The following NOTCH3 variants were observed in gnomAD, a reference collection of about 807,000 sequenced individuals.
NOTCH3 encodes notch receptor 3.
In NOTCH3, 86 loss-of-function variants were observed where a neutral mutation model predicts 213.3. The observed-to-expected ratio is 0.40, with a 90% CI of 0.34 to 0.48. The LOEUF (loss-of-function observed/expected upper bound fraction) is 0.48, where lower values mean the gene tolerates loss of function less well. NOTCH3 is among the 20% of genes least tolerant of loss of function. The pLI, the probability that NOTCH3 is intolerant of heterozygous loss-of-function variation, is 0.57. For synonymous variants in NOTCH3, 1,354 were observed against 1,355.9 expected, an observed-to-expected ratio of 1.00 and a Z score of 0.03; for missense variants, 2,783 against 3,272.6, an observed-to-expected ratio of 0.85 and a Z score of 3.65.
chr19:15,198,599 A>G (rs2046987549), intron 1 of NOTCH3, among the ~76,000 whole-genome samples: 1 of 152,114 alleles, frequency 6.6e-6, no homozygotes, highest in African/African-American at 2.4e-5. Flanking sequence ...AAAAATATAA[A>G]ACTTAGCTGG....
chr19:15,195,830 C>A (rs1369982445), intron 2 of NOTCH3, among the ~76,000 whole-genome samples: 1 of 151,640 alleles, frequency 6.6e-6, no homozygotes, highest in East Asian at 2.0e-4. Flanking sequence ...CCACGCTCTG[C>A]GTCCCGCGCC....
intron 1 of NOTCH3, among the ~76,000 whole-genome samples, chr19:15,200,339 C>A (rs934241197): frequency 6.6e-6 from 1 of 151,524 alleles, no homozygotes; most frequent in African/African-American, 2.4e-5. Context: ...CCCCTCCCCA[C>A]CCCCCGCCTG....
intron 25 of NOTCH3, 85 bp downstream of exon 25, chr19:15,173,983 A>T (rs2046764891): frequency 3.4e-6 from 4 of 1,183,634 alleles, no homozygotes; most frequent in East Asian, 4.9e-5. Flanking sequence ...TAAAGGCATT[A>T]AGTGAAATGA....
intron 19 of NOTCH3, 37 bp from the exon 20 acceptor site, chr19:15,180,293 C>G (rs199702260): frequency 6.2e-7 from 1 of 1,604,190 alleles, no homozygotes; most frequent in Non-Finnish European, 8.5e-7. Flanking sequence ...CAGAGGTAAC[C>G]CCATACATCC....
intron 1 of NOTCH3, among the ~76,000 whole-genome samples, chr19:15,198,765 GCTGGGTGTGGTGGCGCACGC>G (rs1160019348): frequency 6.6e-6 from 1 of 152,082 alleles, no homozygotes; most frequent in Non-Finnish European, 1.5e-5. Context: ...AAAAAAATTA[GCTGGGTGTGGTGGCGCACGC>G]CTGTAGTCCC....
chr19:15,160,417 A>T lies in NOTCH3; in HGVS notation c.*245T>A, dbSNP rs1307839134. Reference sequence around the variant, plus strand: ...ATGAGGGAAGAGAGAAGTGGGGAAGAAGGAGGTCCCAGACTCTTCACAAGA... The same window carrying T: ...ATGAGGGAAGAGAGAAGTGGGGAAGTAGGAGGTCCCAGACTCTTCACAAGA... On this transcript the variant is annotated 3_prime_UTR_variant, in exon 33 of 33. Coordinates refer to ENST00000263388, the MANE Select transcript of NOTCH3 (RefSeq NM_000435.3). The T allele has an allele frequency of 5.5e-6, 3 of 546,864 alleles. No homozygotes were observed. The highest frequency in any genetic ancestry group is 9.8e-6 in the Non-Finnish European group (3 of 306,118). 33.9% of individuals were successfully genotyped at this position (546,864 alleles called of 1,614,324 possible). A position where few individuals can be genotyped will look rare whatever the true frequency, so the allele number is the denominator to read the frequency against.
chr19:15,164,219 A>G (rs1226035596), intron 31 of NOTCH3, among the ~76,000 whole-genome samples: 1 of 71,586 alleles, frequency 1.4e-5, no homozygotes, highest in African/African-American at 7.0e-5. Context: ...ATCTCAATAA[A>G]GCAGTTTTTT....
chr19:15,178,366 T>C, intron 23 of NOTCH3: 1 of 471,906 alleles, frequency 2.1e-6, no homozygotes. Flanking sequence ...CCTTCAAACC[T>C]CCAGGAAATG....
chr19:15,199,615 G>C (rs1424402010), intron 1 of NOTCH3, among the ~76,000 whole-genome samples: 1 of 152,232 alleles, frequency 6.6e-6, no homozygotes, highest in Non-Finnish European at 1.5e-5. Context: ...AGGTGTGCAA[G>C]TCTGCGAGTG....
chr19:15,165,652 A>C lies in NOTCH3; in HGVS notation c.5667+135T>G. ...GTGAGGTTCAGGGAGCAGCTGCTTG[A>C]CAGATACTGTATTCCCATATATCCC... On this transcript the variant is annotated intron_variant, in intron 30 of 32. Transcript: ENST00000263388. This position sits in a 1 kb window ranked among gnomAD's most constrained non-coding sequence, Gnocchi z 4.7. The C allele has an allele frequency of 8.7e-7, 1 of 1,147,848 alleles. No homozygotes were observed. Among genetic ancestry groups the C allele is most frequent in the East Asian group, 3.4e-5 (1 of 29,428 alleles). 71.1% of individuals were successfully genotyped at this position (1,147,848 alleles called of 1,614,324 possible).
chr19:15,193,356 C>A, intron 2 of NOTCH3, among the ~76,000 whole-genome samples: 1 of 151,854 alleles, frequency 6.6e-6, no homozygotes, highest in Non-Finnish European at 1.5e-5. Flanking sequence ...TTTGTCTCAG[C>A]CTCCTGCGTA....
chr19:15,197,441 G>GCGCCCCCCCCCCCCC, intron 2 of NOTCH3, 59 bp downstream of exon 2: 49 of 768,332 alleles, frequency 6.4e-5, no homozygotes, highest in East Asian at 1.1e-4. Context: ...AAGACAAATC[G>GCGCCCCCCCCCCCCC]CCCCTCCCCC....
At chr19:15,193,603 CA>C (rs768557412) in intron 2 of NOTCH3, among the ~76,000 whole-genome samples, 16 of 148,878 alleles carry the variant, frequency 1.1e-4, no homozygotes, top group African/African-American at 3.9e-4. Flanking sequence ...TTTTTTTCCA[CA>C]AAAAAAAATT....
In NOTCH3 at chr19:15,174,930, C is replaced by T. The variant is rs185361993; in HGVS notation, c.4404-530G>A. ...AAATGGGGTCTTGCTCTGTTGCCCA[C>T]GCCGGAGTGCAGTGGTGCAATCATA... On this transcript the variant is annotated intron_variant, in intron 24 of 32. Transcript: ENST00000263388. Among the ~76,000 whole-genome samples the T allele has an allele frequency of 4.4e-3, 662 of 152,178 alleles. 2 individuals carry two copies. Among genetic ancestry groups the T allele is most frequent in the Non-Finnish European group, 6.5e-3 (443 of 68,000 alleles).
At chr19:15,186,010 G>A (rs184029725) in intron 12 of NOTCH3, among the ~76,000 whole-genome samples, 3 of 152,002 alleles carry the variant, frequency 2.0e-5, no homozygotes, top group Non-Finnish European at 2.9e-5. Context: ...GGGCTCAAGC[G>A]ATTCTCCCAC....
intron 2 of NOTCH3, among the ~76,000 whole-genome samples, chr19:15,197,279 C>T (rs563756894): frequency 8.5e-5 from 13 of 152,154 alleles, no homozygotes; most frequent in Non-Finnish European, 5.9e-5. Context: ...AATTCCTAGC[C>T]GGTCAGCAAC....
In NOTCH3 at chr19:15,175,307, C is replaced by CGGGA. The variant is rs1568352681; in HGVS notation, c.4404-908_4404-907insTCCC. Among the ~76,000 whole-genome samples, 5 of 126,360 alleles carry CGGGA rather than the reference C, an allele frequency of 4.0e-5. No individual in the cohort carries two copies. In the East Asian group the frequency reaches 7.0e-4, roughly 18 times the overall value. The allele number at this position is 126,360 out of a possible 152,430, so 82.9% of individuals were successfully genotyped here. A position where few individuals can be genotyped will look rare whatever the true frequency, so the allele number is the denominator to read the frequency against. On this transcript the variant is annotated intron_variant, in intron 24 of 32. Transcript: ENST00000263388. ...CAGCACTTTGGGAGGCCAAGGTGTA[C>CGGGA]GGATAACCTGAGGTCAGGAGTTCTA...
Position 15,185,567 on chromosome 19 carries a change from C to A in NOTCH3, c.2064G>T (p.Leu688Phe). 6.2e-7 allele frequency: 1 copy of A among 1,613,552 alleles called. No individual in the cohort carries two copies. Among genetic ancestry groups the A allele is most frequent in the South Asian group, 1.1e-5 (1 of 91,078 alleles). ...GFRCLCPPGS[L>F]PPLCLPPSHP... ...GGCTCGGGGGGAGGCAGAGTGGGGG[C>A]AAGGAGCCAGGCGGGCAGAGGCAGC... Residue 688 changes from leucine to phenylalanine, a missense_variant, in exon 13 of 33, where the codon TTG (leucine) becomes TTT (phenylalanine). This residue lies in a region of NOTCH3 where 861 missense variants were observed against 909.1 expected (regional missense o/e 0.95). Coordinates refer to ENST00000263388, the MANE Select transcript of NOTCH3 (RefSeq NM_000435.3). This position sits in a 1 kb window ranked among gnomAD's most constrained non-coding sequence, Gnocchi z 4.2.
intron 6 of NOTCH3, 63 bp downstream of exon 6, chr19:15,191,361 G>A: frequency 7.2e-7 from 1 of 1,381,026 alleles, no homozygotes; most frequent in Non-Finnish European, 1.0e-6. Flanking sequence ...ACTCAAGTCA[G>A]ACTTCTTATT....
Sources: gnomAD v4.1 joint callset for allele counts (sites outside exome capture counted in the v4.1 genomes callset) on GRCh38, gnomAD v4.1.1 for gene constraint, gnomAD v4.1.1 regional missense constraint, Gnocchi (gnomAD v3.1) non-coding constraint, MANE v1.5 for transcripts, NCBI Gene and HGNC (gene_info 2026-07-23, HGNC 2026-07-21) for gene names.